Variants in ATP8A1 observed in about 807,000 individuals in gnomAD.
The protein encoded by ATP8A1 is phospholipid-transporting ATPase IA.
A neutral mutation model predicts 177.7 loss-of-function variants in ATP8A1; 90 were observed. The observed-to-expected ratio is 0.51, with a 90% CI of 0.43 to 0.60. The LOEUF is 0.60. Ranked by LOEUF, ATP8A1 falls within the 20% of genes least tolerant of loss-of-function variation. The probability of loss-of-function intolerance (pLI) is 0.00; values close to 1 mark genes in which losing one functional copy is unlikely to be tolerated. For missense variants in ATP8A1, 1,072 were observed against 1,392.8 expected (o/e 0.77, Z 3.67); for synonymous variants, 493 against 485.9 (o/e 1.01, Z -0.19).
intron 33 of ATP8A1, among the ~76,000 whole-genome samples, chr4:42,439,037 GTAAGTTGGAAATGA>G (rs1716322199): frequency 7.5e-6 from 1 of 134,172 alleles, no homozygotes; most frequent in Admixed American, 8.0e-5. Context: ...ACCCAAGAAT[GTAAGTTGGAAATGA>G]CTATAAAGTC....
intron 1 of ATP8A1, among the ~76,000 whole-genome samples, chr4:42,643,997 G>A (rs1740271712): frequency 6.6e-6 from 1 of 152,192 alleles, no homozygotes; most frequent in South Asian, 2.1e-4. Context: ...CTTGCAGGTG[G>A]CTACCGTGTC....
intron 27 of ATP8A1, among the ~76,000 whole-genome samples, chr4:42,458,114 A>G (rs754237792): frequency 6.6e-6 from 1 of 152,214 alleles, no homozygotes; most frequent in Non-Finnish European, 1.5e-5. Context: ...GGTCTTTAAC[A>G]GTGAAGTAGC....
chr4:42,571,135 GC>G (rs1387896276), intron 14 of ATP8A1, among the ~76,000 whole-genome samples: 2 of 152,158 alleles, frequency 1.3e-5, no homozygotes, highest in Non-Finnish European at 2.9e-5. Context: ...GATAAACATG[GC>G]TGTAGCAAGA....
intron 5 of ATP8A1, among the ~76,000 whole-genome samples, chr4:42,605,393 C>G (rs1735694112): frequency 6.6e-6 from 1 of 151,998 alleles, no homozygotes; most frequent in Non-Finnish European, 1.5e-5. Flanking sequence ...TAGCCCTCCT[C>G]AACATGCTGT....
chr4:42,535,471 T>G (rs1319747345), intron 20 of ATP8A1, among the ~76,000 whole-genome samples: 1 of 152,098 alleles, frequency 6.6e-6, no homozygotes. Context: ...AAACAATTAG[T>G]ACTAGACTTA....
chr4:42,573,708 A>C (rs1732134706), intron 14 of ATP8A1, among the ~76,000 whole-genome samples: 2 of 152,148 alleles, frequency 1.3e-5, no homozygotes, highest in Non-Finnish European at 1.5e-5. Flanking sequence ...TGAAATGTTT[A>C]CTTATTTATA....
chr4:42,414,530 T>C, intron 36 of ATP8A1, 97 bp downstream of exon 36: 3 of 1,119,572 alleles, frequency 2.7e-6, no homozygotes, highest in South Asian at 1.4e-5. Flanking sequence ...TAGACATTAG[T>C]TTTAAATAAA....
intron 1 of ATP8A1, among the ~76,000 whole-genome samples, chr4:42,646,447 C>G (rs1307807896): frequency 6.6e-6 from 1 of 152,192 alleles, no homozygotes; most frequent in Admixed American, 6.5e-5. Context: ...AAAAGACGGT[C>G]TGTAGAAGCT....
intron 1 of ATP8A1, among the ~76,000 whole-genome samples, chr4:42,628,370 G>T (rs1738342355): frequency 6.6e-6 from 1 of 152,172 alleles, no homozygotes. Flanking sequence ...GGTGTCATGT[G>T]TGCAGGGGAG....
intron 1 of ATP8A1, among the ~76,000 whole-genome samples, chr4:42,635,134 T>C (rs1008772890): frequency 6.6e-6 from 1 of 152,130 alleles, no homozygotes; most frequent in African/African-American, 2.4e-5. Flanking sequence ...AATTTTGCCA[T>C]ATAATTTGGT....
chr4:42,471,018 G>C (rs887110673), intron 25 of ATP8A1, among the ~76,000 whole-genome samples: 6 of 152,034 alleles, frequency 3.9e-5, no homozygotes, highest in Admixed American at 1.3e-4. Flanking sequence ...ACTAAAATTT[G>C]GCAGGTTCAT....
At chr4:42,607,527 G>C (rs62302299) in intron 5 of ATP8A1, among the ~76,000 whole-genome samples, 1 of 151,800 alleles carries the variant, frequency 6.6e-6, no homozygotes, top group Non-Finnish European at 1.5e-5. Context: ...CCTCTGACCC[G>C]GCACAAACCT....
intron 9 of ATP8A1, among the ~76,000 whole-genome samples, chr4:42,586,076 A>T (rs1733582148): frequency 6.6e-6 from 1 of 152,190 alleles, no homozygotes; most frequent in African/African-American, 2.4e-5. Context: ...TTGTTTACCC[A>T]CGAAACAATG....
At chr4:42,537,641 AG>A in intron 20 of ATP8A1, among the ~76,000 whole-genome samples, 1 of 152,206 alleles carries the variant, frequency 6.6e-6, no homozygotes, top group Non-Finnish European at 1.5e-5. Flanking sequence ...CTGAGAATCA[AG>A]AACTCAACCC....
At chr4:42,536,169 T>C (rs193257942) in intron 20 of ATP8A1, among the ~76,000 whole-genome samples, 1 of 152,298 alleles carries the variant, frequency 6.6e-6, no homozygotes, top group East Asian at 1.9e-4. Flanking sequence ...AAAAAGCTGG[T>C]TCTTTGAAAA....
chr4:42,444,377 T>C (rs1023704147), intron 32 of ATP8A1, among the ~76,000 whole-genome samples: 5 of 152,170 alleles, frequency 3.3e-5, no homozygotes, highest in African/African-American at 1.2e-4. Flanking sequence ...ATGCACTTGT[T>C]TAAGTTTGTT....
chr4:42,592,115 T>C (rs1734241285), intron 6 of ATP8A1, among the ~76,000 whole-genome samples: 1 of 152,212 alleles, frequency 6.6e-6, no homozygotes, highest in Admixed American at 6.5e-5. Flanking sequence ...AAGGTGGTAC[T>C]CTGCTACTTG....
At chr4:42,419,449 A>G (rs1713612041) in intron 35 of ATP8A1, among the ~76,000 whole-genome samples, 1 of 152,224 alleles carries the variant, frequency 6.6e-6, no homozygotes, top group African/African-American at 2.4e-5. Flanking sequence ...GTATAAACAG[A>G]GTATAATAGT....
intron 20 of ATP8A1, among the ~76,000 whole-genome samples, chr4:42,541,313 A>T (rs1728364207): frequency 6.6e-6 from 1 of 152,194 alleles, no homozygotes; most frequent in African/African-American, 2.4e-5. Flanking sequence ...AATTAAGCCA[A>T]CAATAAAATA....
Sources: allele counts gnomAD v4.1 joint callset (sites outside exome capture counted in the v4.1 genomes callset), GRCh38; gene constraint gnomAD v4.1.1; transcripts MANE v1.5; gene names NCBI Gene and HGNC (gene_info 2026-07-23, HGNC 2026-07-21).